The following DMWD variants were observed in gnomAD, a reference collection of about 807,000 sequenced individuals.
The protein encoded by DMWD is dystrophia myotonica WD repeat-containing protein.
In DMWD, 19 loss-of-function variants were observed where a neutral mutation model predicts 45.8. The observed-to-expected ratio is 0.41, with a 90% CI of 0.29 to 0.61. DMWD has a LOEUF of 0.61. Ranked by LOEUF, DMWD falls within the 20% of genes least tolerant of loss-of-function variation. DMWD has a pLI of 0.25. For missense variants in DMWD, 802 were observed against 965.2 expected, an observed-to-expected ratio of 0.83 and a Z score of 2.24; for synonymous variants, 515 against 440.5, an observed-to-expected ratio of 1.17 and a Z score of -2.12.
At chr19:45,788,943 A>AC (rs1243747647) in intron 2 of DMWD, among the ~76,000 whole-genome samples, 1 of 151,852 alleles carries the variant, frequency 6.6e-6, no homozygotes, top group Non-Finnish European at 1.5e-5. Flanking sequence ...AAAAAAAAAA[A>AC]AAAAATGCCC....
chr19:45,785,652 C>T lies in DMWD; in HGVS notation c.1844G>A (p.Cys615Tyr). The T allele has an allele frequency of 1.3e-6, 2 of 1,559,322 alleles. No homozygotes were observed. Among genetic ancestry groups the T allele is most frequent in the East Asian group, 2.3e-5 (1 of 43,600 alleles). ...GCCCTCCTGGCAGGCAGTGATGATG[C>T]AGTCCTCCAGGAACAGGAGGACTGT... ...RLTVLLFLED[C>Y]IITACQEGLI... Residue 615 changes from cysteine (C) to tyrosine (Y), a missense_variant, in exon 3 of 5, where the codon TGC (cysteine) becomes TAC (tyrosine). This residue lies in a region of DMWD where 303 missense variants were observed against 332.9 expected (regional missense o/e 0.91). Coordinates refer to ENST00000270223, the MANE Select transcript of DMWD (RefSeq NM_004943.2).
At chr19:45,791,182 G>T in intron 1 of DMWD, 95 bp from the exon 2 acceptor site, 1 of 1,338,266 alleles carries the variant, frequency 7.5e-7, no homozygotes. Context: ...AGGAAGCAGG[G>T]TTAGAACCCA....
At position 45,786,517 on chromosome 19, in the gene DMWD, C is replaced by CA. The variant is rs771751757; in HGVS notation, c.978dup (p.Gly327TrpfsTer11). Reference sequence around the variant, plus strand: ...CTCCAGCACACACACAGCAGGCCCCCAAAGTAGCTCTTCATGAGCCCACGC... The same window carrying CA: ...CTCCAGCACACACACAGCAGGCCCCCAAAAGTAGCTCTTCATGAGCCCACGC... On this transcript the variant is annotated frameshift_variant, in exon 3 of 5. Transcript: ENST00000270223. LOFTEE classifies it high-confidence loss of function. 1 of 1,614,062 alleles carries CA rather than the reference C, an allele frequency of 6.2e-7. No homozygotes were observed. Among genetic ancestry groups the CA allele is most frequent in the South Asian group, 1.1e-5 (1 of 91,086 alleles).
Position 45,792,687 on chromosome 19 carries a change from A to C in DMWD, c.70T>G (p.Ser24Ala). The C allele has an allele frequency of 7.8e-7, 1 of 1,289,126 alleles. No individual in the cohort carries two copies. The highest frequency in any genetic ancestry group is 1.0e-6 in the Non-Finnish European group (1 of 1,002,232). The allele number at this position is 1,289,126 out of a possible 1,614,324, so 79.9% of individuals were successfully genotyped here. The change falls in exon 1 of 5, where the codon TCG becomes GCG. Residue 24 changes from serine (S) to alanine (A), a missense_variant. By Grantham distance (99) the Ser-to-Ala change is moderately conservative. Transcript: ENST00000270223. ...AAACCCTCGCGCGTGCGGAATTGCG[A>C]CTTAATCTCCGCGCAGTCCCCCATG... The part of the protein sequence containing the change: ...AAMGDCAEIK[S>A]QFRTREGFYK...
In DMWD at chr19:45,783,907, G is replaced by A. The variant is rs1198196839; in HGVS notation, c.*336C>T. 1.9e-6 allele frequency: 1 copy of A among 530,072 alleles called. No individual in the cohort carries two copies. Among genetic ancestry groups the A allele is most frequent in the Non-Finnish European group, 3.3e-6 (1 of 304,112 alleles). 32.8% of individuals were successfully genotyped at this position (530,072 alleles called of 1,614,324 possible). On this transcript the variant is annotated 3_prime_UTR_variant, in exon 5 of 5. Transcript: ENST00000270223. ...TGCCCACTCAACTGAGGGGCACACTGCAGACCTGGGGCTCTTGTGGCAGGG... is the reference window on the plus strand; with the variant it reads ...TGCCCACTCAACTGAGGGGCACACTACAGACCTGGGGCTCTTGTGGCAGGG...
chr19:45,792,434 C>T lies in DMWD; in HGVS notation c.323G>A (p.Gly108Glu), dbSNP rs1970367009. 1 of 1,525,974 alleles carries T rather than the reference C, an allele frequency of 6.6e-7. No homozygotes were observed. The highest frequency in any genetic ancestry group is 2.1e-5 in the Admixed American group (1 of 48,280). The allele number at this position is 1,525,974 out of a possible 1,614,324, so 94.5% of individuals were successfully genotyped here. Residue 108 changes from glycine (G) to glutamate (E), a missense_variant, in exon 1 of 5, where the codon GGG (glycine) becomes GAG (glutamate). Physicochemically the swap from Gly to Glu is moderately conservative, Grantham distance 98. Transcript: ENST00000270223. Reference protein sequence around the residue: ...LVRLGEPDSAGAGEPPATPAG... With the variant: ...LVRLGEPDSAEAGEPPATPAG... Reference sequence around the variant, plus strand: ...GGGCGTGGCGGGCGGCTCCCCGGCCCCGGCGCTGTCCGGCTCCCCGAGGCG... The same window carrying T: ...GGGCGTGGCGGGCGGCTCCCCGGCCTCGGCGCTGTCCGGCTCCCCGAGGCG...
intron 2 of DMWD, chr19:45,787,100 G>T: frequency 1.4e-6 from 1 of 731,688 alleles, no homozygotes; most frequent in South Asian, 1.9e-5. Flanking sequence ...TGGCCACAGG[G>T]TGCTCCAAGG....
chr19:45,787,043 TG>T, intron 2 of DMWD, 172 bp from the exon 3 acceptor site: 2 of 1,180,458 alleles, frequency 1.7e-6, no homozygotes, highest in Non-Finnish European at 2.3e-6. Context: ...GGAAGACAGA[TG>T]GACACCAGGT....
Position 45,783,218 on chromosome 19 carries a change from G to C in DMWD, c.*1025C>G, listed in dbSNP as rs1285241797. ...CTGGGATTAGAAACAGAAACATTTCGGGGGGTGGAGGGTGGCGCGGGAAGA... is the reference window on the plus strand; with the variant it reads ...CTGGGATTAGAAACAGAAACATTTCCGGGGGTGGAGGGTGGCGCGGGAAGA... On this transcript the variant is annotated 3_prime_UTR_variant, in exon 5 of 5. Transcript: ENST00000270223. The C allele has an allele frequency of 5.3e-6, 1 of 187,134 alleles. No homozygotes were observed. Among genetic ancestry groups the C allele is most frequent in the Admixed American group, 6.2e-5 (1 of 16,188 alleles). The allele number at this position is 187,134 out of a possible 1,614,324, so 11.6% of individuals were successfully genotyped here.
intron 1 of DMWD, 73 bp downstream of exon 1, chr19:45,792,243 G>C: frequency 6.6e-7 from 1 of 1,519,450 alleles, no homozygotes; most frequent in Non-Finnish European, 8.8e-7. Context: ...ATATCAATTC[G>C]GGGACCCTCC....
Position 45,784,619 on chromosome 19 carries a change from A to AAGAACTC in DMWD, c.1977+15_1977+21dup, listed in dbSNP as rs766106188. On this transcript the variant is annotated intron_variant, in intron 4 of 4. Coordinates refer to ENST00000270223, the MANE Select transcript of DMWD (RefSeq NM_004943.2). ...GGGAGGGACCCTGAGGTGCTGGGGA[A>AAGAACTC]AGAACTCAGGGACAGTCCTACCTCT... The AAGAACTC allele has an allele frequency of 3.4e-4, 550 of 1,613,950 alleles. 2 individuals carry two copies. Among genetic ancestry groups the AAGAACTC allele is most frequent in the Admixed American group, 2.0e-3 (121 of 59,996 alleles).
chr19:45,789,581 G>A (rs1337416698), intron 2 of DMWD: 1 of 152,218 alleles, frequency 6.6e-6, no homozygotes, highest in Non-Finnish European at 1.5e-5. Flanking sequence ...TGAGTAAATG[G>A]TGCAGCAGGG....
At chr19:45,785,429 AG>A in intron 3 of DMWD, 164 bp downstream of exon 3, 1 of 1,342,432 alleles carries the variant, frequency 7.4e-7, no homozygotes, top group Non-Finnish European at 9.5e-7. Context: ...CCTCACTCTA[AG>A]GATCTGAGAG....
chr19:45,791,186 G>C, intron 1 of DMWD, 99 bp from the exon 2 acceptor site: 2 of 1,282,968 alleles, frequency 1.6e-6, no homozygotes, highest in African/African-American at 1.5e-5. Flanking sequence ...AGCAGGGTTA[G>C]AACCCAGAGG....
In DMWD at chr19:45,783,453, A is replaced by C; in HGVS notation, c.*790T>G. The C allele has an allele frequency of 2.5e-6, 1 of 397,540 alleles. No individual in the cohort carries two copies. Among genetic ancestry groups the C allele is most frequent in the Non-Finnish European group, 4.4e-6 (1 of 225,890 alleles). The allele number at this position is 397,540 out of a possible 1,614,324, so 24.6% of individuals were successfully genotyped here. On this transcript the variant is annotated 3_prime_UTR_variant, in exon 5 of 5. Transcript: ENST00000270223. Reference sequence around the variant, plus strand: ...GGTCCTGGGCAGTTCTGATAATTTAAAAAACACCGAGGACTTTGATGAGGG... The same window carrying C: ...GGTCCTGGGCAGTTCTGATAATTTACAAAACACCGAGGACTTTGATGAGGG...
At position 45,784,719 on chromosome 19, in the gene DMWD, C is replaced by G; in HGVS notation, c.1903-4G>C. 1 of 1,613,206 alleles carries G rather than the reference C, an allele frequency of 6.2e-7. No homozygotes were observed. Among genetic ancestry groups the G allele is most frequent in the Non-Finnish European group, 8.5e-7 (1 of 1,179,478 alleles). ...CCTCGGTCTCCTCGTCTGTGAACTACGGAGACAGAGGGGTCTCTTTTAGGA... is the reference window on the plus strand; with the variant it reads ...CCTCGGTCTCCTCGTCTGTGAACTAGGGAGACAGAGGGGTCTCTTTTAGGA... On this transcript the variant is annotated splice_region_variant and splice_polypyrimidine_tract_variant and intron_variant, in intron 3 of 4. Coordinates refer to ENST00000270223, the MANE Select transcript of DMWD (RefSeq NM_004943.2).
In DMWD at chr19:45,792,330, G is replaced by C; in HGVS notation, c.427C>G (p.Arg143Gly). 6.2e-7 allele frequency: 1 copy of C among 1,610,498 alleles called. No homozygotes were observed. Among genetic ancestry groups the C allele is most frequent in the Non-Finnish European group, 8.5e-7 (1 of 1,178,252 alleles). ...AGGCCGCTCACCCGTTGGCTCCCAC[G>C]ACGACAGCAGCCTGGGTAGAAATAG... Reference protein sequence around the residue: ...ELYFYPGCCRRGSQRSIDLNK... With the variant: ...ELYFYPGCCRGGSQRSIDLNK... Residue 143 changes from arginine (R) to glycine (G), a missense_variant, in exon 1 of 5, where the codon CGT becomes GGT. This residue lies in a region of DMWD where 82 missense variants were observed against 92.9 expected (regional missense o/e 0.88). Transcript: ENST00000270223.
intron 1 of DMWD, 128 bp from the exon 2 acceptor site, chr19:45,791,215 G>A (rs1394840658): frequency 1.1e-5 from 10 of 944,780 alleles, no homozygotes; most frequent in Non-Finnish European, 1.4e-5. Flanking sequence ...GAGGTGAGTA[G>A]GTGGATTGCG....
chr19:45,785,737 T>C lies in DMWD; in HGVS notation c.1759A>G (p.Ile587Val), dbSNP rs746989063. ...GGCTCCAGCAGGGGCACCTCGTGGA[T>C]GCGCGGGCACAGCGCAGTGCCCAGC... Reference protein sequence around the residue: ...KVLGTALCPRIHEVPLLEPLV... With the variant: ...KVLGTALCPRVHEVPLLEPLV... Residue 587 changes from isoleucine (I) to valine (V), a missense_variant, in exon 3 of 5, where the codon ATC becomes GTC. Ile to Val is a conservative substitution (Grantham distance 29). Coordinates refer to ENST00000270223, the MANE Select transcript of DMWD (RefSeq NM_004943.2). The C allele has an allele frequency of 1.2e-6, 2 of 1,606,596 alleles. No individual in the cohort carries two copies. The highest frequency in any genetic ancestry group is 1.7e-6 in the Non-Finnish European group (2 of 1,175,392).
Sources: allele counts gnomAD v4.1 joint callset (sites outside exome capture counted in the v4.1 genomes callset), GRCh38; gene constraint gnomAD v4.1.1; regional missense constraint gnomAD v4.1.1; transcripts MANE v1.5; gene names NCBI Gene and HGNC (gene_info 2026-07-23, HGNC 2026-07-21).